ADGRL2: variants seen among roughly 807,000 people sequenced by gnomAD.
ADGRL2 encodes calcium-independent alpha-latrotoxin receptor 2.
ADGRL2 carries 44 observed loss-of-function variants against 157.4 expected under a neutral mutation model. The ratio of observed to expected loss-of-function variants is 0.28; its 90% CI spans 0.22 to 0.36. ADGRL2 has a LOEUF of 0.36. ADGRL2 is among the 10% of genes least tolerant of loss of function. ADGRL2 has a pLI of 1.00. For missense variants in ADGRL2, 1,510 were observed against 1,768.9 expected (o/e 0.85, Z 2.63); for synonymous variants, 585 against 624.7 (o/e 0.94, Z 0.95).
At chr1:81,984,821 G>T in intron 20 of ADGRL2, 110 bp downstream of exon 20, 2 of 1,190,260 alleles carry the variant, frequency 1.7e-6, no homozygotes, top group South Asian at 1.8e-5. Flanking sequence ...GATCTAGATA[G>T]CAAATACTTG....
intron 2 of ADGRL2, among the ~76,000 whole-genome samples, chr1:81,892,132 C>G (rs2094284559): frequency 6.6e-6 from 1 of 151,952 alleles, no homozygotes; most frequent in Admixed American, 6.6e-5. Context: ...ATCATGACTG[C>G]TTTTCAAATG....
At chr1:81,605,692 T>C (rs554700992) in intron 3 of ADGRL2, among the ~76,000 whole-genome samples, 2 of 152,320 alleles carry the variant, frequency 1.3e-5, no homozygotes, top group African/African-American at 4.8e-5. Flanking sequence ...TGATTTAGTT[T>C]ATCTTGGGAG....
At chr1:81,401,803 A>C (rs547090500) in intron 1 of ADGRL2, among the ~76,000 whole-genome samples, 2 of 152,164 alleles carry the variant, frequency 1.3e-5, no homozygotes, top group Non-Finnish European at 2.9e-5. Context: ...ACGAGGACTA[A>C]AACCCACATA....
intron 1 of ADGRL2, among the ~76,000 whole-genome samples, chr1:81,319,987 C>T (rs889562242): frequency 6.6e-6 from 1 of 152,156 alleles, no homozygotes; most frequent in Non-Finnish European, 1.5e-5. Context: ...TAGCATTTTA[C>T]CTGTAGAATT....
chr1:81,567,797 CA>C (rs2080596341), intron 2 of ADGRL2, among the ~76,000 whole-genome samples: 1 of 152,004 alleles, frequency 6.6e-6, no homozygotes, highest in Non-Finnish European at 1.5e-5. Flanking sequence ...ATTGTTGAAA[CA>C]AACTAGCTGA....
chr1:81,763,267 G>C (rs1422683765), intron 2 of ADGRL2, among the ~76,000 whole-genome samples: 1 of 151,586 alleles, frequency 6.6e-6, no homozygotes, highest in Non-Finnish European at 1.5e-5. Context: ...ATACTTCTTT[G>C]TGCCAACTGG....
chr1:81,861,130 C>T (rs1250812630), intron 2 of ADGRL2, among the ~76,000 whole-genome samples: 2 of 151,096 alleles, frequency 1.3e-5, no homozygotes, highest in Non-Finnish European at 2.9e-5. Context: ...AAGCGATTCT[C>T]CTGCCTCAGC....
chr1:81,789,993 G>A (rs547003860), intron 2 of ADGRL2, among the ~76,000 whole-genome samples: 1 of 152,108 alleles, frequency 6.6e-6, no homozygotes. Flanking sequence ...TGTCGAAGAT[G>A]TTTTTCCTTT....
At chr1:81,733,406 G>T (rs533042513) in intron 1 of ADGRL2, among the ~76,000 whole-genome samples, 1 of 152,318 alleles carries the variant, frequency 6.6e-6, no homozygotes, top group East Asian at 1.9e-4. Flanking sequence ...TTTCTTCTGA[G>T]CCCTTTCTTC....
chr1:81,864,476 T>C (rs1031655185), intron 2 of ADGRL2, among the ~76,000 whole-genome samples: 8 of 152,144 alleles, frequency 5.3e-5, no homozygotes, highest in African/African-American at 1.9e-4. Flanking sequence ...TAAGAATGAA[T>C]TGACCTATGA....
At position 81,755,148 on chromosome 1, in the gene ADGRL2, T is replaced by TTATATA. The variant is rs5775638; in HGVS notation, c.-142-6651_-142-6646dup. ...TAGATTTAAAGATATATATATGTGT[T>TTATATA]TATATATATATATATATTTAAAGAT... On this transcript the variant is annotated intron_variant, in intron 1 of 20. Transcript: ENST00000359929. 4.1e-3 allele frequency among the ~76,000 whole-genome samples: 594 copies of TTATATA among 143,742 alleles called. 2 individuals are homozygous for TTATATA. The highest frequency in any genetic ancestry group is 0.023 in the South Asian group (104 of 4,618). The allele number at this position is 143,742 out of a possible 152,430, so 94.3% of individuals were successfully genotyped here.
chr1:81,756,751 C>G (rs1300796527), intron 1 of ADGRL2, among the ~76,000 whole-genome samples: 1 of 152,148 alleles, frequency 6.6e-6, no homozygotes, highest in East Asian at 1.9e-4. Context: ...TTTCTCCATT[C>G]ATTCAACAAA....
At chr1:81,682,974 A>G (rs1425414494) in intron 3 of ADGRL2, among the ~76,000 whole-genome samples, 1 of 152,154 alleles carries the variant, frequency 6.6e-6, no homozygotes, top group Non-Finnish European at 1.5e-5. Context: ...CTCTACTAAA[A>G]ATACAAAGAT....
intron 11 of ADGRL2, among the ~76,000 whole-genome samples, chr1:81,960,584 C>T (rs1368446844): frequency 6.6e-6 from 1 of 151,988 alleles, no homozygotes; most frequent in Non-Finnish European, 1.5e-5. Context: ...AAGTGATTCT[C>T]CTACCTCGGC....
chr1:81,751,058 T>A (rs1302352609), intron 1 of ADGRL2, among the ~76,000 whole-genome samples: 1 of 152,120 alleles, frequency 6.6e-6, no homozygotes, highest in African/African-American at 2.4e-5. Context: ...CTGGAATATA[T>A]TACTGTGCTG....
chr1:81,683,124 C>T (rs535460072), intron 3 of ADGRL2, among the ~76,000 whole-genome samples: 16 of 152,212 alleles, frequency 1.1e-4, no homozygotes, highest in Middle Eastern at 6.8e-3. Flanking sequence ...CAGAATGAGA[C>T]TCTATCTCAA....
chr1:81,750,316 A>G (rs35325405), intron 1 of ADGRL2, among the ~76,000 whole-genome samples: 20,276 of 152,250 alleles, frequency 0.13, 1,456 homozygotes, highest in African/African-American at 0.18. Context: ...GATGCCTAAC[A>G]GCAATAGGAT....
chr1:81,991,987 T>C lies in ADGRL2; in HGVS notation c.*842T>C, dbSNP rs1391161915. Reference sequence around the variant, plus strand: ...CTGCTTTGACAAAGTTGGTCTTTATTACTTACATTTAAATTTCTTATTGCC... The same window carrying C: ...CTGCTTTGACAAAGTTGGTCTTTATCACTTACATTTAAATTTCTTATTGCC... On this transcript the variant is annotated 3_prime_UTR_variant, in exon 24 of 24. Transcript: ENST00000686636. 6.6e-6 allele frequency: 1 copy of C among 152,596 alleles called. No homozygotes were observed. Among genetic ancestry groups the C allele is most frequent in the Non-Finnish European group, 1.5e-5 (1 of 68,032 alleles). The allele number at this position is 152,596 out of a possible 1,614,324, so 9.5% of individuals were successfully genotyped here.
intron 2 of ADGRL2, among the ~76,000 whole-genome samples, chr1:81,878,076 A>G (rs2093888360): frequency 6.6e-6 from 1 of 152,130 alleles, no homozygotes; most frequent in Non-Finnish European, 1.5e-5. Context: ...CTGCTCCTAA[A>G]AATTGGACTA....
Sources: allele counts gnomAD v4.1 joint callset (sites outside exome capture counted in the v4.1 genomes callset), GRCh38; gene constraint gnomAD v4.1.1; transcripts MANE v1.5; gene names NCBI Gene and HGNC (gene_info 2026-07-23, HGNC 2026-07-21).